The following NCOA6 variants were observed in gnomAD, a reference collection of about 807,000 sequenced individuals.
NCOA6 encodes nuclear receptor coactivator 6, also known as NRC RAP250.
A neutral mutation model predicts 171.4 loss-of-function variants in NCOA6; 49 were observed. That is an observed-to-expected ratio of 0.29 (90% confidence interval 0.23 to 0.36). The LOEUF is 0.36. Ranked by LOEUF, NCOA6 falls within the 10% of genes least tolerant of loss-of-function variation. The pLI, the probability that NCOA6 is intolerant of heterozygous loss-of-function variation, is 1.00. For missense variants in NCOA6, 2,248 were observed against 2,554.5 expected, an observed-to-expected ratio of 0.88 and a Z score of 2.59; for synonymous variants, 910 against 927.5, an observed-to-expected ratio of 0.98 and a Z score of 0.34.
intron 5 of NCOA6, among the ~76,000 whole-genome samples, chr20:34,760,263 C>A (rs1389309256): frequency 6.6e-6 from 1 of 152,122 alleles, no homozygotes; most frequent in African/African-American, 2.4e-5. Context: ...GGCAACAGGG[C>A]AAGAGCCTGT....
chr20:34,819,901 A>C (rs6087632), intron 1 of NCOA6: 51,357 of 151,986 alleles, frequency 0.34, 9,105 homozygotes, highest in Middle Eastern at 0.42. Context: ...AGCAGTGCTT[A>C]ATAAGGACCT....
intron 3 of NCOA6, among the ~76,000 whole-genome samples, chr20:34,778,600 G>A (rs1465811177): frequency 1.3e-5 from 2 of 151,370 alleles, no homozygotes; most frequent in African/African-American, 4.9e-5. Context: ...GCTAATTTTT[G>A]TATTTTTAGT....
rs10700283 is a variant in NCOA6 at position 34,811,201 on chromosome 20, GTATA to G, written c.-164+14267_-164+14270del. 9.2e-3 allele frequency among the ~76,000 whole-genome samples: 493 copies of G among 53,802 alleles called. 18 individuals carry two copies. Among genetic ancestry groups the G allele is most frequent in the African/African-American group, 0.017 (247 of 14,634 alleles). 35.3% of individuals were successfully genotyped at this position (53,802 alleles called of 152,430 possible). A position where few individuals can be genotyped will look rare whatever the true frequency, so the allele number is the denominator to read the frequency against. ...TATTTAACAACAACAACAACAACGT[GTATA>G]TATATATATATATATATATATATAT... On this transcript the variant is annotated intron_variant, in intron 1 of 14. Transcript: ENST00000359003.
At chr20:34,724,483 T>A (rs1989732815) in intron 14 of NCOA6, among the ~76,000 whole-genome samples, 1 of 152,148 alleles carries the variant, frequency 6.6e-6, no homozygotes, top group African/African-American at 2.4e-5. Flanking sequence ...CAATGATACT[T>A]GACCGTTTCT....
intron 1 of NCOA6, among the ~76,000 whole-genome samples, chr20:34,798,100 G>C (rs1400100804): frequency 6.6e-6 from 1 of 152,130 alleles, no homozygotes; most frequent in Non-Finnish European, 1.5e-5. Flanking sequence ...CCTGAAGGGA[G>C]AGTCCTAGGC....
chr20:34,754,798 C>A lies in NCOA6; in HGVS notation c.1599G>T (p.Val533=). ...QANPNFMQGQ[V]PSTTATTPGN... Reference sequence around the variant, plus strand: ...CAGGGGTGGTTGCTGTGGTCGAAGGCACCTGACCTTGCATAAAGTTCGGAT... The same window carrying A: ...CAGGGGTGGTTGCTGTGGTCGAAGGAACCTGACCTTGCATAAAGTTCGGAT... Residue 533 remains valine, a synonymous_variant, in exon 8 of 15, where the codon GTG becomes GTT. Transcript: ENST00000359003. 1.2e-6 allele frequency: 2 copies of A among 1,614,206 alleles called. No individual in the cohort carries two copies. Among genetic ancestry groups the A allele is most frequent in the Non-Finnish European group, 1.7e-6 (2 of 1,180,024 alleles).
intron 12 of NCOA6, among the ~76,000 whole-genome samples, chr20:34,734,362 C>T (rs1367772488): frequency 6.7e-6 from 1 of 149,994 alleles, no homozygotes; most frequent in African/African-American, 2.5e-5. Context: ...CCGCACCTGG[C>T]CTATTTTTAT....
chr20:34,779,566 T>G (rs1405071904), intron 3 of NCOA6, among the ~76,000 whole-genome samples: 1 of 152,124 alleles, frequency 6.6e-6, no homozygotes, highest in African/African-American at 2.4e-5. Flanking sequence ...GGCAAAACAA[T>G]TTTCTCTTTT....
intron 11 of NCOA6, among the ~76,000 whole-genome samples, chr20:34,739,244 T>C (rs1218018936): frequency 2.6e-5 from 4 of 152,232 alleles, no homozygotes; most frequent in Admixed American, 6.5e-5. Context: ...TTACCATTTA[T>C]TGAATAATAA....
chr20:34,739,355 G>A (rs1027513180), intron 11 of NCOA6, among the ~76,000 whole-genome samples: 9 of 152,210 alleles, frequency 5.9e-5, no homozygotes, highest in African/African-American at 2.2e-4. Context: ...CCAAAGTCTG[G>A]AGTGGTCAAG....
In NCOA6 at chr20:34,749,748, T is replaced by A. The variant is rs1420550118; in HGVS notation, c.2447A>T (p.Gln816Leu). The change falls in exon 9 of 15, where the codon CAG becomes CTG. Residue 816 changes from glutamine (Q) to leucine (L), a missense_variant. Transcript: ENST00000359003. ...TTGAATGCTAACATCAGGCATCATCTGAGATAAACTGACATCGTTATTTGC... is the reference window on the plus strand; with the variant it reads ...TTGAATGCTAACATCAGGCATCATCAGAGATAAACTGACATCGTTATTTGC... ...TTANNDVSLS[Q>L]MMPDVSIQQT... 2.5e-6 allele frequency: 4 copies of A among 1,613,750 alleles called. No homozygotes were observed. The highest frequency in any genetic ancestry group is 3.4e-6 in the Non-Finnish European group (4 of 1,179,698).
At chr20:34,727,805 C>T (rs527521855) in intron 13 of NCOA6, among the ~76,000 whole-genome samples, 58 of 151,548 alleles carry the variant, frequency 3.8e-4, no homozygotes, top group African/African-American at 1.3e-3. Flanking sequence ...CTCACTGCGA[C>T]CCCTGCCTCC....
intron 4 of NCOA6, among the ~76,000 whole-genome samples, chr20:34,774,109 G>A (rs755503753): frequency 2.0e-5 from 3 of 152,166 alleles, no homozygotes; most frequent in Non-Finnish European, 2.9e-5. Context: ...TATTGTTTTA[G>A]GAAGTAGGTC....
In NCOA6 at chr20:34,741,135, T is replaced by C; in HGVS notation, c.5121A>G (p.Lys1707=). 1.9e-6 allele frequency: 3 copies of C among 1,614,064 alleles called. No individual in the cohort carries two copies. The highest frequency in any genetic ancestry group is 2.5e-6 in the Non-Finnish European group (3 of 1,180,018). ...TAGGCGGTACAGGAGCAGAAGAAAA[T>C]TTTATGTTCTGAGGTATGTGTAAAG... is the stretch of plus-strand genomic sequence containing the variant. ...VGPLHIPQNI[K]FSSAPVPPNA... Residue 1707 remains lysine (K), a synonymous_variant, in exon 11 of 15, where the codon AAA becomes AAG. Transcript: ENST00000359003.
chr20:34,767,647 C>T (rs1399525511), intron 5 of NCOA6, among the ~76,000 whole-genome samples: 1 of 152,142 alleles, frequency 6.6e-6, no homozygotes, highest in East Asian at 1.9e-4. Context: ...ATTTCTCCAA[C>T]AGCTACTCTG....
intron 1 of NCOA6, among the ~76,000 whole-genome samples, chr20:34,797,709 A>G (rs1364804079): frequency 1.3e-5 from 2 of 151,996 alleles, no homozygotes; most frequent in East Asian, 1.9e-4. Context: ...CCAACATGGT[A>G]AAACCCCATC....
chr20:34,805,777 C>A (rs1202463386), intron 1 of NCOA6, among the ~76,000 whole-genome samples: 1 of 151,604 alleles, frequency 6.6e-6, no homozygotes, highest in African/African-American at 2.4e-5. Context: ...CAACCTCCAA[C>A]TCCCAGGTTC....
At chr20:34,722,719 C>T (rs1989521200) in intron 14 of NCOA6, among the ~76,000 whole-genome samples, 1 of 150,782 alleles carries the variant, frequency 6.6e-6, no homozygotes, top group South Asian at 2.1e-4. Flanking sequence ...AGCACAGTGG[C>T]TCACACCAGT....
At chr20:34,795,344 C>T (rs2078028440) in intron 1 of NCOA6, among the ~76,000 whole-genome samples, 1 of 152,136 alleles carries the variant, frequency 6.6e-6, no homozygotes, top group Admixed American at 6.5e-5. Context: ...TCAAACTCAG[C>T]AACAATCAGA....
Sources: allele counts gnomAD v4.1 joint callset (sites outside exome capture counted in the v4.1 genomes callset), GRCh38; gene constraint gnomAD v4.1.1; transcripts MANE v1.5; gene names NCBI Gene and HGNC (gene_info 2026-07-23, HGNC 2026-07-21).